RS1: variants seen among roughly 807,000 people sequenced by gnomAD.
RS1 encodes retinoschisin.
A neutral mutation model predicts 20.8 loss-of-function variants in RS1; 2 were observed. The ratio of observed to expected loss-of-function variants is 0.10; its 90% CI spans 0.04 to 0.30. The LOEUF (loss-of-function observed/expected upper bound fraction) is 0.30, where lower values mean the gene tolerates loss of function less well. Among genes scored for constraint, RS1 ranks in the 10% least tolerant of loss-of-function variants. The probability of loss-of-function intolerance (pLI) is 1.00; values close to 1 mark genes in which losing one functional copy is unlikely to be tolerated. For missense variants in RS1, 151 were observed against 189.8 expected (o/e 0.80, Z 1.20); for synonymous variants, 70 against 75.8 (o/e 0.92, Z 0.40).
intron 3 of RS1, chrX:18,653,606 T>G: frequency 8.8e-7 from 1 of 1,140,927 alleles, no homozygotes. Context: ...AAGAACCAAT[T>G]AACACCAATG....
chrX:18,670,564 G>A (rs1928477246), intron 1 of RS1, among the ~76,000 whole-genome samples: 1 of 110,908 alleles, frequency 9.0e-6, no homozygotes, highest in Non-Finnish European at 1.9e-5. Flanking sequence ...GATAGTCAGG[G>A]ATGAGCTCTT....
chrX:18,659,253 C>A (rs1326785108), intron 1 of RS1, among the ~76,000 whole-genome samples: 2 of 110,990 alleles, frequency 1.8e-5, no homozygotes, highest in African/African-American at 6.6e-5. Flanking sequence ...ACAGGCCGAT[C>A]ACTTGAGGTC....
At position 18,653,395 on chromosome X, in the gene RS1, G is replaced by A. The variant is rs757302280; in HGVS notation, c.184+3258C>T. ...AGTGCACCTGCTAGCGCTCCTGGCAGCTCTGAGTGACCCCGCTGTCCTTCT... is the reference window on the plus strand; with the variant it reads ...AGTGCACCTGCTAGCGCTCCTGGCAACTCTGAGTGACCCCGCTGTCCTTCT... On this transcript the variant is annotated intron_variant, in intron 3 of 5. Coordinates refer to ENST00000379984, the MANE Select transcript of RS1 (RefSeq NM_000330.4). 34 of 1,202,990 alleles carry A rather than the reference G, an allele frequency of 2.8e-5. No homozygotes were observed. In the South Asian group the frequency reaches 5.2e-4, roughly 18 times the overall value.
chrX:18,652,572 A>G (rs761465910), intron 3 of RS1, among the ~76,000 whole-genome samples: 10 of 111,431 alleles, frequency 9.0e-5, no homozygotes, highest in Non-Finnish European at 1.9e-4. Flanking sequence ...GGGAGGCTGA[A>G]ACAGGAGAAT....
intron 5 of RS1, among the ~76,000 whole-genome samples, chrX:18,643,367 C>T (rs954019544): frequency 3.6e-5 from 4 of 111,116 alleles, no homozygotes; most frequent in Admixed American, 1.9e-4. Flanking sequence ...GCAGTGGCAC[C>T]GCCCCACACC....
chrX:18,648,020 G>A (rs765496110), intron 3 of RS1, among the ~76,000 whole-genome samples: 60 of 111,070 alleles, frequency 5.4e-4, no homozygotes, highest in Non-Finnish European at 9.6e-4. Context: ...CCTTCCTCTC[G>A]TCTGTATGTC....
Position 18,645,758 on chromosome X carries a change from A to G in RS1, c.327-1133T>C, listed in dbSNP as rs369978885. 4.5e-4 allele frequency among the ~76,000 whole-genome samples: 50 copies of G among 110,898 alleles called. No individual in the cohort carries two copies. The East Asian group carries it at 0.013, about 30-fold the overall frequency. On this transcript the variant is annotated intron_variant, in intron 4 of 5. Transcript: ENST00000379984. ...CTTCGACTTAAAATATTTATCCGGCAGAGTCTGCTAATTATCACCCGATAC... is the reference window on the plus strand; with the variant it reads ...CTTCGACTTAAAATATTTATCCGGCGGAGTCTGCTAATTATCACCCGATAC...
chrX:18,641,874 T>C lies in RS1; in HGVS notation c.*130A>G, dbSNP rs1342337077. ...CTATATCTTAAAAAAAAAAAAATTA[T>C]CTACCCAGCACTGCAGTTACAATTG... On this transcript the variant is annotated 3_prime_UTR_variant, in exon 6 of 6. Transcript: ENST00000379984. 5 of 634,568 alleles carry C rather than the reference T, an allele frequency of 7.9e-6. No homozygotes were observed. The highest frequency in any genetic ancestry group is 9.6e-6 in the Non-Finnish European group (4 of 416,852). 52.3% of individuals were successfully genotyped at this position (634,568 alleles called of 1,213,427 possible). A position where few individuals can be genotyped will look rare whatever the true frequency, so the allele number is the denominator to read the frequency against.
intron 3 of RS1, chrX:18,653,607 A>C (rs1928144581): frequency 7.9e-6 from 9 of 1,133,194 alleles, no homozygotes; most frequent in Non-Finnish European, 1.1e-5. Flanking sequence ...AGAACCAATT[A>C]ACACCAATGA....
chrX:18,663,689 C>T lies in RS1; in HGVS notation c.53-6024G>A, dbSNP rs752023085. ...CCAATGGACTCTTCCCAACACTGAC[C>T]TTCCATCTTCACACCGCAATGTTGG... On this transcript the variant is annotated intron_variant, in intron 1 of 5. Transcript: ENST00000379984. Among the ~76,000 whole-genome samples the T allele has an allele frequency of 2.7e-5, 3 of 111,313 alleles. No individual in the cohort carries two copies. The South Asian group carries it at 1.1e-3, about 42-fold the overall frequency.
chrX:18,669,501 A>AAAG (rs1192935674), intron 1 of RS1, among the ~76,000 whole-genome samples: 1 of 108,183 alleles, frequency 9.2e-6, no homozygotes, highest in Non-Finnish European at 1.9e-5. Context: ...AAAAAAAAAA[A>AAAG]AAAGACATAG....
At chrX:18,643,998 G>A (rs931363150) in intron 5 of RS1, among the ~76,000 whole-genome samples, 1 of 110,990 alleles carries the variant, frequency 9.0e-6, no homozygotes, top group Non-Finnish European at 1.9e-5. Flanking sequence ...TGGGTAACTT[G>A]CTAGGTTCTC....
rs771094139 is a variant in RS1 at position 18,656,451 on chromosome X, C to A, written c.184+202G>T. On this transcript the variant is annotated intron_variant, in intron 3 of 5. Transcript: ENST00000379984. ...GCAGGGGCCATTGTGAGATTCGAAG[C>A]TCAGAGGCCAACTGGAGAAAACCCG... Among the ~76,000 whole-genome samples the A allele has an allele frequency of 8.0e-5, 9 of 112,149 alleles. No homozygotes were observed. The East Asian group carries it at 1.4e-3, about 17-fold the overall frequency.
rs920108237 is a variant in RS1, at chrX:18,653,766, G to C, written c.184+2887C>G. On this transcript the variant is annotated intron_variant, in intron 3 of 5. Transcript: ENST00000379984. ...GTGCATTGCCTGAGCTCAGGAGTTC[G>C]AGACCAGCCTGGGCAACACGGTGAA... is the stretch of plus-strand genomic sequence containing the variant. The C allele has an allele frequency of 8.2e-5, 33 of 404,854 alleles. No individual in the cohort carries two copies. In the Admixed American group the frequency reaches 9.8e-4, roughly 12 times the overall value. 33.4% of individuals were successfully genotyped at this position (404,854 alleles called of 1,213,427 possible).
In RS1 at chrX:18,662,776, C is replaced by T. The variant is rs746197387; in HGVS notation, c.53-5111G>A. 3.4e-3 allele frequency among the ~76,000 whole-genome samples: 368 copies of T among 109,384 alleles called. 3 individuals are homozygous for T. Among genetic ancestry groups the T allele is most frequent in the Middle Eastern group, 0.023 (5 of 214 alleles). 95.0% of individuals were successfully genotyped at this position (109,384 alleles called of 115,157 possible). A position where few individuals can be genotyped will look rare whatever the true frequency, so the allele number is the denominator to read the frequency against. On this transcript the variant is annotated intron_variant, in intron 1 of 5. Coordinates refer to ENST00000379984, the MANE Select transcript of RS1 (RefSeq NM_000330.4). The stretch of plus-strand genomic sequence containing the variant: ...TTAAGTAGCTGGGACTACAGGCGCC[C>T]GCCACCACACCCGGCTAATTTTTTG...
chrX:18,652,877 T>C (rs1928110989), intron 3 of RS1, among the ~76,000 whole-genome samples: 1 of 112,631 alleles, frequency 8.9e-6, no homozygotes, highest in Admixed American at 9.4e-5. Flanking sequence ...ATTTGCAATA[T>C]GTTACCAGCC....
chrX:18,669,911 C>T (rs1928465009), intron 1 of RS1, among the ~76,000 whole-genome samples: 1 of 111,814 alleles, frequency 8.9e-6, no homozygotes, highest in South Asian at 3.8e-4. Flanking sequence ...TTAAGCTCCC[C>T]AAACCTTCCC....
intron 1 of RS1, among the ~76,000 whole-genome samples, chrX:18,663,704 C>T (rs186084361): frequency 1.8e-5 from 2 of 111,211 alleles, no homozygotes; most frequent in African/African-American, 3.3e-5. Flanking sequence ...ATCTTCACAC[C>T]GCAATGTTGG....
At chrX:18,646,065 C>T in intron 4 of RS1, 1 of 1,212,065 alleles carries the variant, frequency 8.3e-7, no homozygotes, top group Admixed American at 2.2e-5. Context: ...ATAGACGCTT[C>T]ATGTTAAGGA....
Sources: gnomAD v4.1 joint callset for allele counts (sites outside exome capture counted in the v4.1 genomes callset) on GRCh38, gnomAD v4.1.1 for gene constraint, MANE v1.5 for transcripts, NCBI Gene and HGNC (gene_info 2026-07-23, HGNC 2026-07-21) for gene names.